WWP1: variants seen among roughly 807,000 people sequenced by gnomAD.
The protein encoded by WWP1 is WW domain containing E3 ubiquitin protein ligase 1, also known as NEDD4-like E3 ubiquitin-protein ligase WWP1.
Under a neutral mutation model 130.6 loss-of-function variants are expected in WWP1, and 49 were observed. The ratio of observed to expected loss-of-function variants is 0.38; its 90% confidence interval spans 0.30 to 0.48. The LOEUF (loss-of-function observed/expected upper bound fraction) is 0.48, where lower values mean the gene tolerates loss of function less well. Among genes scored for constraint, WWP1 ranks in the 20% least tolerant of loss-of-function variants. The pLI is 0.99. For synonymous variants in WWP1, 332 were observed against 367.8 expected, an observed-to-expected ratio of 0.90 and a Z score of 1.11; for missense variants, 809 against 1,100.6, an observed-to-expected ratio of 0.74 and a Z score of 3.75.
intron 1 of WWP1, among the ~76,000 whole-genome samples, chr8:86,366,640 G>A (rs1421225963): frequency 6.6e-6 from 1 of 152,086 alleles, no homozygotes; most frequent in African/African-American, 2.4e-5. Flanking sequence ...TTTATAACAG[G>A]ATTCCACTAG....
chr8:86,354,376 G>T (rs1017979747), intron 1 of WWP1, among the ~76,000 whole-genome samples: 2 of 152,120 alleles, frequency 1.3e-5, no homozygotes, highest in African/African-American at 4.8e-5. Flanking sequence ...GCTTGTGTGT[G>T]GATAAGTAAG....
intron 3 of WWP1, among the ~76,000 whole-genome samples, chr8:86,376,637 C>T (rs911744751): frequency 6.6e-6 from 1 of 151,824 alleles, no homozygotes; most frequent in South Asian, 2.1e-4. Context: ...TGAAAAAGAA[C>T]ATACTGAAAG....
At chr8:86,426,109 C>T (rs1809610027) in intron 10 of WWP1, among the ~76,000 whole-genome samples, 1 of 152,184 alleles carries the variant, frequency 6.6e-6, no homozygotes, top group African/African-American at 2.4e-5. Flanking sequence ...AGCACTCAGG[C>T]CTTGACCCTA....
At chr8:86,410,704 C>CT (rs11422497) in intron 8 of WWP1, among the ~76,000 whole-genome samples, 99,843 of 137,682 alleles carry the variant, frequency 0.73, 36,635 homozygotes, top group African/African-American at 0.77. Flanking sequence ...CTTCTACTTA[C>CT]TTTTTTTTTT....
intron 2 of WWP1, among the ~76,000 whole-genome samples, chr8:86,372,244 G>C (rs1269089497): frequency 6.6e-6 from 1 of 151,604 alleles, no homozygotes; most frequent in Non-Finnish European, 1.5e-5. Flanking sequence ...GGATGGTCTC[G>C]ATCTCCTGAC....
At chr8:86,430,308 C>T (rs1027176239) in intron 11 of WWP1, among the ~76,000 whole-genome samples, 86 of 152,080 alleles carry the variant, frequency 5.7e-4, no homozygotes, top group African/African-American at 1.9e-3. Flanking sequence ...GACAGCTTCT[C>T]GCTCTGTTGT....
rs148188975 is a variant in WWP1 at position 86,376,095 on chromosome 8, G to C, written c.70+1975G>C. Among the ~76,000 whole-genome samples, 223 of 152,254 alleles carry C rather than the reference G, an allele frequency of 1.5e-3. 5 individuals carry two copies. In the East Asian group the frequency reaches 0.034, roughly 23 times the overall value. ...GAAACAGTTCTGATGAAGCTGATAG[G>C]TACTCCACTGAAGAACCACTTACAT... On this transcript the variant is annotated intron_variant, in intron 3 of 24. Transcript: ENST00000517970.
chr8:86,381,347 C>G (rs1207554923), intron 4 of WWP1, among the ~76,000 whole-genome samples, 158 bp from the exon 5 acceptor site: 1 of 152,082 alleles, frequency 6.6e-6, no homozygotes, highest in Non-Finnish European at 1.5e-5. Context: ...ATTTATGATT[C>G]AAGTAGTTTC....
chr8:86,386,252 G>A (rs1462718090), intron 5 of WWP1, among the ~76,000 whole-genome samples: 1 of 152,010 alleles, frequency 6.6e-6, no homozygotes, highest in Non-Finnish European at 1.5e-5. Context: ...TTTAACATAG[G>A]TGGAATTATT....
chr8:86,412,754 ATGT>A (rs1361005472), intron 9 of WWP1, among the ~76,000 whole-genome samples: 1 of 143,928 alleles, frequency 6.9e-6, no homozygotes, highest in East Asian at 2.0e-4. Context: ...GGCTCGTCTG[ATGT>A]TGTCCACTGC....
intron 22 of WWP1, among the ~76,000 whole-genome samples, chr8:86,460,393 A>G (rs1258698415): frequency 2.6e-5 from 4 of 152,192 alleles, no homozygotes; most frequent in African/African-American, 9.7e-5. Context: ...CCACTTTAGC[A>G]GTTTGGGAAG....
intron 10 of WWP1, 130 bp from the exon 11 acceptor site, chr8:86,427,513 G>C (rs1461174090): frequency 2.1e-6 from 2 of 953,568 alleles, no homozygotes; most frequent in Non-Finnish European, 2.9e-6. Context: ...AAAATAAATA[G>C]TTCATAGTTT....
intron 9 of WWP1, among the ~76,000 whole-genome samples, chr8:86,412,686 T>C (rs1808653239): frequency 6.8e-6 from 1 of 147,216 alleles, no homozygotes; most frequent in Non-Finnish European, 1.5e-5. Context: ...AGTCACTATG[T>C]TAGTGTACGT....
At chr8:86,357,686 G>A (rs766757245) in intron 1 of WWP1, among the ~76,000 whole-genome samples, 3 of 152,166 alleles carry the variant, frequency 2.0e-5, no homozygotes, top group Admixed American at 1.3e-4. Context: ...CAGGGATTCT[G>A]GATAAAAGTA....
chr8:86,452,410 A>C (rs2130757357), intron 20 of WWP1, 149 bp from the exon 21 acceptor site: 1 of 594,406 alleles, frequency 1.7e-6, no homozygotes, highest in African/African-American at 1.9e-5. Context: ...AATTATATGT[A>C]TTCATACATA....
intron 5 of WWP1, among the ~76,000 whole-genome samples, chr8:86,389,847 C>T (rs1473103470): frequency 6.6e-6 from 1 of 151,924 alleles, no homozygotes; most frequent in Non-Finnish European, 1.5e-5. Context: ...CCCCCACCTC[C>T]TTCCCAGATG....
chr8:86,454,982 C>G (rs1418282958), intron 21 of WWP1, among the ~76,000 whole-genome samples: 2 of 152,032 alleles, frequency 1.3e-5, no homozygotes, highest in African/African-American at 4.8e-5. Context: ...TACACCTAAT[C>G]TGTTGTTCTT....
chr8:86,373,689 G>A (rs1824462397), intron 2 of WWP1, among the ~76,000 whole-genome samples: 1 of 152,242 alleles, frequency 6.6e-6, no homozygotes, highest in East Asian at 1.9e-4. Context: ...ATACGTATAT[G>A]CTTCTGCCAT....
intron 9 of WWP1, among the ~76,000 whole-genome samples, chr8:86,412,566 T>C (rs1683306483): frequency 1.3e-5 from 2 of 152,320 alleles, no homozygotes; most frequent in African/African-American, 4.8e-5. Context: ...AAAGTATATA[T>C]GGACACGTGC....
Sources: allele counts gnomAD v4.1 joint callset (sites outside exome capture counted in the v4.1 genomes callset), GRCh38; gene constraint gnomAD v4.1.1; transcripts MANE v1.5; gene names NCBI Gene and HGNC (gene_info 2026-07-23, HGNC 2026-07-21).